Variants in TMEM117 observed in about 807,000 individuals in gnomAD.
TMEM117 encodes transmembrane protein 117.
TMEM117 carries 27 observed loss-of-function variants against 52.4 expected under a neutral mutation model. That is an observed-to-expected ratio of 0.51 (90% CI 0.38 to 0.71). The LOEUF (loss-of-function observed/expected upper bound fraction) is 0.71, where lower values mean the gene tolerates loss of function less well. Ranked by LOEUF, TMEM117 falls within the 30% of genes least tolerant of loss-of-function variation. The probability of loss-of-function intolerance (pLI) is 0.00; values close to 1 mark genes in which losing one functional copy is unlikely to be tolerated. For synonymous variants in TMEM117, 215 were observed against 206.3 expected (o/e 1.04, Z -0.36); for missense variants, 556 against 630.5 (o/e 0.88, Z 1.26).
intron 3 of TMEM117, among the ~76,000 whole-genome samples, chr12:44,126,034 C>T (rs559529189): frequency 5.9e-5 from 9 of 152,004 alleles, no homozygotes; most frequent in Admixed American, 2.0e-4. Flanking sequence ...GAGTGAATTT[C>T]TTAATCTTGA....
chr12:43,937,486 A>T (rs1011853065), intron 2 of TMEM117, among the ~76,000 whole-genome samples: 1 of 152,142 alleles, frequency 6.6e-6, no homozygotes, highest in African/African-American at 2.4e-5. Flanking sequence ...TTTGCTGGGG[A>T]TGTGTAAGAC....
chr12:44,090,839 G>GTTTTTTTTTTTT lies in TMEM117; in HGVS notation c.411-52677_411-52676insTTTTTTTTTTTT, dbSNP rs1264179472. Among the ~76,000 whole-genome samples the GTTTTTTTTTTTT allele has an allele frequency of 9.5e-4, 100 of 104,768 alleles. 15 individuals carry two copies. Among genetic ancestry groups the GTTTTTTTTTTTT allele is most frequent in the African/African-American group, 3.9e-3 (86 of 22,120 alleles). The allele number at this position is 104,768 out of a possible 152,430, so 68.7% of individuals were successfully genotyped here. A position where few individuals can be genotyped will look rare whatever the true frequency, so the allele number is the denominator to read the frequency against. The stretch of plus-strand genomic sequence containing the variant: ...CTAATTCTTAATCCTGTATTTATGT[G>GTTTTTTTTTTTT]TTTTTTTTTGTTTTTTTTTTTTTTT... On this transcript the variant is annotated intron_variant, in intron 3 of 7. Transcript: ENST00000266534.
At chr12:44,233,673 C>T (rs1378167045) in intron 5 of TMEM117, among the ~76,000 whole-genome samples, 1 of 151,322 alleles carries the variant, frequency 6.6e-6, no homozygotes, top group East Asian at 1.9e-4. Context: ...TTTATTGTAT[C>T]TTTCATTTTT....
intron 4 of TMEM117, among the ~76,000 whole-genome samples, chr12:44,167,582 G>T (rs1948986037): frequency 6.6e-6 from 1 of 151,628 alleles, no homozygotes; most frequent in South Asian, 2.1e-4. Context: ...CAGGAGCATC[G>T]CTTGAACCCG....
At chr12:44,171,936 A>G (rs117984577) in intron 4 of TMEM117, among the ~76,000 whole-genome samples, 1 of 152,072 alleles carries the variant, frequency 6.6e-6, no homozygotes, top group Non-Finnish European at 1.5e-5. Flanking sequence ...AAGCCCCAAG[A>G]CGGTGAAGGC....
chr12:44,100,233 C>G (rs1429548830), intron 3 of TMEM117, among the ~76,000 whole-genome samples: 2 of 151,872 alleles, frequency 1.3e-5, no homozygotes, highest in Non-Finnish European at 2.9e-5. Flanking sequence ...AGATGGGAAT[C>G]ACTAGCATTC....
intron 6 of TMEM117, among the ~76,000 whole-genome samples, chr12:44,317,110 C>T (rs1245700189): frequency 6.2e-5 from 9 of 145,200 alleles, no homozygotes; most frequent in African/African-American, 2.3e-4. Context: ...CTGTTTTAGT[C>T]AGGGACCATT....
intron 6 of TMEM117, among the ~76,000 whole-genome samples, chr12:44,338,966 A>G (rs1951379651): frequency 1.3e-5 from 2 of 152,092 alleles, no homozygotes; most frequent in African/African-American, 4.8e-5. Flanking sequence ...GAGCTGCTGC[A>G]TCAGCTGTGA....
In TMEM117 at chr12:43,889,603, G is replaced by A. The variant is rs145806444; in HGVS notation, c.277+44675G>A. 1.4e-3 allele frequency among the ~76,000 whole-genome samples: 215 copies of A among 152,328 alleles called. 1 individual carries two copies. Among genetic ancestry groups the A allele is most frequent in the Non-Finnish European group, 2.3e-3 (156 of 68,038 alleles). The stretch of plus-strand genomic sequence containing the variant: ...CCCAGAGGTTGGGGACCCCAATGTA[G>A]ATAATAAATGGTGTGGTTGAAATAG... On this transcript the variant is annotated intron_variant, in intron 2 of 7. Coordinates refer to ENST00000266534, the MANE Select transcript of TMEM117 (RefSeq NM_032256.3).
At chr12:43,836,348 C>G (rs1481445105) in intron 1 of TMEM117, among the ~76,000 whole-genome samples, 152 bp downstream of exon 1, 1 of 152,244 alleles carries the variant, frequency 6.6e-6, no homozygotes, top group Non-Finnish European at 1.5e-5. Flanking sequence ...GCCCGGCCCC[C>G]GAATTCTCCG....
chr12:44,258,404 T>C (rs895463687), intron 5 of TMEM117, among the ~76,000 whole-genome samples: 1 of 152,166 alleles, frequency 6.6e-6, no homozygotes, highest in Non-Finnish European at 1.5e-5. Context: ...TGGCTGATTA[T>C]GAAGTTTCAT....
intron 4 of TMEM117, among the ~76,000 whole-genome samples, chr12:44,167,681 T>G (rs1210218088): frequency 6.6e-6 from 1 of 151,944 alleles, no homozygotes; most frequent in East Asian, 1.9e-4. Flanking sequence ...AAAAAGAACA[T>G]AAGCTGTAGA....
chr12:44,080,909 T>C (rs1489677035), intron 3 of TMEM117, among the ~76,000 whole-genome samples: 1 of 152,218 alleles, frequency 6.6e-6, no homozygotes, highest in African/African-American at 2.4e-5. Context: ...AAATATTCAC[T>C]ATCTATCCCT....
chr12:43,832,262 C>T (rs115369696), upstream of TMEM117, among the ~76,000 whole-genome samples: 691 of 152,318 alleles, frequency 4.5e-3, 6 homozygotes, highest in African/African-American at 0.015. Flanking sequence ...GGAAAGTTTT[C>T]ATAGAACGGT....
At chr12:44,390,247 GCT>G (rs1952154332), downstream of TMEM117, among the ~76,000 whole-genome samples, 1 of 150,418 alleles carries the variant, frequency 6.6e-6, no homozygotes, top group African/African-American at 2.4e-5. Context: ...CAGAGATCAA[GCT>G]CACTATAGTA....
chr12:44,106,860 T>C (rs1477604479), intron 3 of TMEM117, among the ~76,000 whole-genome samples: 1 of 152,076 alleles, frequency 6.6e-6, no homozygotes, highest in African/African-American at 2.4e-5. Context: ...GCTTAGTTTC[T>C]TTCATGGAAA....
chr12:44,290,272 G>A (rs1950688284), intron 5 of TMEM117, among the ~76,000 whole-genome samples: 1 of 152,040 alleles, frequency 6.6e-6, no homozygotes, highest in South Asian at 2.1e-4. Context: ...TCTGCTTTTT[G>A]TGTCATATAC....
chr12:44,100,024 A>T (rs1047423162), intron 3 of TMEM117, among the ~76,000 whole-genome samples: 3 of 151,980 alleles, frequency 2.0e-5, no homozygotes, highest in African/African-American at 7.2e-5. Context: ...ATTGTATTAA[A>T]ATTAGAATGA....
intron 6 of TMEM117, among the ~76,000 whole-genome samples, chr12:44,347,086 C>T (rs887940279): frequency 4.5e-4 from 69 of 152,028 alleles, no homozygotes; most frequent in African/African-American, 1.6e-3. Context: ...CACACACACA[C>T]ACACACGTAG....
Sources: allele counts gnomAD v4.1 joint callset (sites outside exome capture counted in the v4.1 genomes callset), GRCh38; gene constraint gnomAD v4.1.1; transcripts MANE v1.5; gene names NCBI Gene and HGNC (gene_info 2026-07-23, HGNC 2026-07-21).